GLIS3: variants seen among roughly 807,000 people sequenced by gnomAD.
GLIS3 encodes the protein GLIS family zinc finger 3, also known as zinc finger protein GLIS3.
In GLIS3, 53 loss-of-function variants were observed where a neutral mutation model predicts 78.6. That is an observed-to-expected ratio of 0.67 (90% confidence interval 0.54 to 0.85). The LOEUF (loss-of-function observed/expected upper bound fraction) is 0.85. Among genes scored for constraint, GLIS3 ranks in the 40% least tolerant of loss-of-function variants. The probability of loss-of-function intolerance (pLI) is 0.00; values close to 1 mark genes in which losing one functional copy is unlikely to be tolerated. For synonymous variants in GLIS3, 684 were observed against 509.9 expected (o/e 1.34, Z -4.60); for missense variants, 1,703 against 1,231.1 (o/e 1.38, Z -5.74).
intron 5 of GLIS3, 42 bp from the exon 6 acceptor site, chr9:3,932,512 T>C (rs747560423): frequency 3.5e-6 from 5 of 1,422,958 alleles, no homozygotes; most frequent in Admixed American, 3.3e-5. Context: ...GGTTAAATCA[T>C]AAAGGTAATT....
intron 2 of GLIS3, among the ~76,000 whole-genome samples, chr9:4,254,430 T>A (rs1354639863): frequency 6.6e-6 from 1 of 152,198 alleles, no homozygotes; most frequent in Non-Finnish European, 1.5e-5. Context: ...AGACTAGCCA[T>A]TATAAAGCAA....
intron 4 of GLIS3, among the ~76,000 whole-genome samples, chr9:4,113,423 T>C (rs1204929794): frequency 2.0e-5 from 3 of 152,190 alleles, no homozygotes; most frequent in Non-Finnish European, 4.4e-5. Flanking sequence ...ATCTCCAAAG[T>C]GGTTACACCA....
At chr9:4,137,786 T>C (rs1368750987) in intron 2 of GLIS3, among the ~76,000 whole-genome samples, 1 of 152,214 alleles carries the variant, frequency 6.6e-6, no homozygotes, top group African/African-American at 2.4e-5. Context: ...TGAAAGCTGC[T>C]CTGCTCCATA....
At chr9:4,018,710 G>A (rs1822630331) in intron 4 of GLIS3, among the ~76,000 whole-genome samples, 1 of 152,118 alleles carries the variant, frequency 6.6e-6, no homozygotes, top group African/African-American at 2.4e-5. Flanking sequence ...TGTCAGTGAT[G>A]CCCAATCCCC....
At chr9:3,892,311 G>A (rs768558030) in intron 7 of GLIS3, among the ~76,000 whole-genome samples, 1 of 152,180 alleles carries the variant, frequency 6.6e-6, no homozygotes, top group Non-Finnish European at 1.5e-5. Context: ...CTCCAAGAAG[G>A]CAGCTGCAAC....
At chr9:4,374,914 G>T in the GLIS3 span, among the ~76,000 whole-genome samples, 6 of 152,094 alleles carry the variant, frequency 3.9e-5, no homozygotes, top group Non-Finnish European at 7.3e-5. Flanking sequence ...CTCATCTCGA[G>T]CATTTTTCTA....
chr9:3,896,996 A>G (rs1391803309), intron 7 of GLIS3, among the ~76,000 whole-genome samples: 1 of 152,244 alleles, frequency 6.6e-6, no homozygotes, highest in Non-Finnish European at 1.5e-5. Context: ...GCTGAACCTT[A>G]AAATATTTAA....
chr9:3,956,902 T>A (rs1817152381), intron 4 of GLIS3, among the ~76,000 whole-genome samples: 1 of 152,008 alleles, frequency 6.6e-6, no homozygotes, highest in African/African-American at 2.4e-5. Flanking sequence ...GGCACATCAA[T>A]AACAAGAACA....
chr9:4,148,266 C>T (rs989491957), intron 2 of GLIS3, among the ~76,000 whole-genome samples: 4 of 152,084 alleles, frequency 2.6e-5, no homozygotes, highest in Admixed American at 6.6e-5. Flanking sequence ...TTCCTTGCTA[C>T]ACTCACAGGA....
At chr9:4,047,133 A>T (rs1006858515) in intron 4 of GLIS3, among the ~76,000 whole-genome samples, 1 of 152,150 alleles carries the variant, frequency 6.6e-6, no homozygotes, top group Non-Finnish European at 1.5e-5. Context: ...TGTTTCCCCC[A>T]TGCTGTTCTT....
chr9:4,054,701 G>T (rs1184907002), intron 4 of GLIS3, among the ~76,000 whole-genome samples: 1 of 152,126 alleles, frequency 6.6e-6, no homozygotes, highest in Non-Finnish European at 1.5e-5. Context: ...ATAGCACATT[G>T]CTGTTGGTCA....
At chr9:3,963,874 G>A (rs991015835) in intron 4 of GLIS3, among the ~76,000 whole-genome samples, 4 of 152,174 alleles carry the variant, frequency 2.6e-5, no homozygotes, top group African/African-American at 9.6e-5. Context: ...ACTTGAGTCA[G>A]TTTCATGTTT....
intron 2 of GLIS3, among the ~76,000 whole-genome samples, chr9:4,160,757 G>C (rs1319954629): frequency 6.6e-6 from 1 of 152,088 alleles, no homozygotes; most frequent in Non-Finnish European, 1.5e-5. Flanking sequence ...CTATTCTATA[G>C]CCAAGTTAGG....
chr9:4,115,550 C>G (rs1586712094), intron 4 of GLIS3, among the ~76,000 whole-genome samples: 1 of 152,080 alleles, frequency 6.6e-6, no homozygotes. Context: ...ACCAGGTATT[C>G]TATCTGTGGA....
the GLIS3 span, among the ~76,000 whole-genome samples, chr9:4,377,396 G>C: frequency 1.7e-4 from 23 of 135,578 alleles, 3 homozygotes; most frequent in African/African-American, 5.9e-4. Context: ...TTGGAATCTT[G>C]GAGTTACACC....
chr9:4,466,805 C>A, the GLIS3 span, among the ~76,000 whole-genome samples: 2 of 152,184 alleles, frequency 1.3e-5, no homozygotes, highest in Admixed American at 1.3e-4. Flanking sequence ...GTGCAGCCCA[C>A]GGAGTGTGAG....
chr9:3,902,062 G>A lies in GLIS3; in HGVS notation c.1984-3227C>T, dbSNP rs1220266886. ...ACGAGGTCTTTGCAAGGAATTTCACGGCTAGGGTTACTTCTGGCATCAAAG... is the reference window on the plus strand; with the variant it reads ...ACGAGGTCTTTGCAAGGAATTTCACAGCTAGGGTTACTTCTGGCATCAAAG... On this transcript the variant is annotated intron_variant, in intron 6 of 10. Transcript: ENST00000381971. Among the ~76,000 whole-genome samples, 20 of 152,250 alleles carry A rather than the reference G, an allele frequency of 1.3e-4. No individual in the cohort carries two copies. In the South Asian group the frequency reaches 2.3e-3, roughly 17 times the overall value.
chr9:3,825,899 G>T lies in GLIS3; in HGVS notation c.*2373C>A, dbSNP rs41314594. ...TGGGGCTCCACATTGATTTCCTGCTGAGGAAGGAGGGCTGCAGGTGCCTCT... is the reference window on the plus strand; with the variant it reads ...TGGGGCTCCACATTGATTTCCTGCTTAGGAAGGAGGGCTGCAGGTGCCTCT... On this transcript the variant is annotated 3_prime_UTR_variant, in exon 11 of 11. Transcript: ENST00000381971. The T allele has an allele frequency of 9.4e-4, 144 of 152,436 alleles. No individual in the cohort carries two copies. Among genetic ancestry groups the T allele is most frequent in the Non-Finnish European group, 1.7e-3 (116 of 68,128 alleles). 9.4% of individuals were successfully genotyped at this position (152,436 alleles called of 1,614,324 possible).
chr9:4,454,046 T>C, the GLIS3 span, among the ~76,000 whole-genome samples: 2 of 151,712 alleles, frequency 1.3e-5, no homozygotes, highest in East Asian at 3.9e-4. Context: ...ACATCTTTAC[T>C]TTTTCTTTTA....
Sources: gnomAD v4.1 joint callset for allele counts (sites outside exome capture counted in the v4.1 genomes callset) on GRCh38, gnomAD v4.1.1 for gene constraint, MANE v1.5 for transcripts, NCBI Gene and HGNC (gene_info 2026-07-23, HGNC 2026-07-21) for gene names.